EHBP1: variants seen among roughly 807,000 people sequenced by gnomAD.
EHBP1 encodes the protein EH domain binding protein 1.
EHBP1 carries 55 observed loss-of-function variants against 144.0 expected under a neutral mutation model. The ratio of observed to expected loss-of-function variants is 0.38; its 90% confidence interval spans 0.31 to 0.48. EHBP1 has a LOEUF of 0.48. EHBP1 is among the 20% of genes least tolerant of loss of function. The probability of loss-of-function intolerance (pLI) is 0.98; values close to 1 mark genes in which losing one functional copy is unlikely to be tolerated. For missense variants in EHBP1, 1,200 were observed against 1,364.2 expected (o/e 0.88, Z 1.90); for synonymous variants, 469 against 472.7 (o/e 0.99, Z 0.10).
rs117025078 is a variant in EHBP1, at chr2:62,834,443, C to A, written c.634+3285C>A. Reference sequence around the variant, plus strand: ...ACCACCACCCTAATTAATCAGTAGTCATCAGCATCAAGGTAGACCCACCAA... The same window carrying A: ...ACCACCACCCTAATTAATCAGTAGTAATCAGCATCAAGGTAGACCCACCAA... On this transcript the variant is annotated intron_variant, in intron 7 of 22. Coordinates refer to ENST00000431489, the MANE Select transcript of EHBP1 (RefSeq NM_001142616.3). Among the ~76,000 whole-genome samples the A allele has an allele frequency of 4.6e-5, 7 of 152,304 alleles. No individual in the cohort carries two copies. In the East Asian group the frequency reaches 9.6e-4, roughly 21 times the overall value.
Position 63,045,524 on chromosome 2 carries a change from C to T in EHBP1, c.*24C>T. ...AGCCATCAGATCAGAAAGAATCTCT[C>T]CCAACATTTTAGAGTCTTGCTTCCC... On this transcript the variant is annotated 3_prime_UTR_variant, in exon 23 of 23. Transcript: ENST00000431489. This position sits in a 1 kb window ranked among gnomAD's most constrained non-coding sequence, Gnocchi z 5.7. 1 of 1,578,348 alleles carries T rather than the reference C, an allele frequency of 6.3e-7. No individual in the cohort carries two copies. Among genetic ancestry groups the T allele is most frequent in the Non-Finnish European group, 8.7e-7 (1 of 1,151,592 alleles).
At chr2:62,837,439 C>T (rs2047369655) in intron 7 of EHBP1, among the ~76,000 whole-genome samples, 1 of 151,292 alleles carries the variant, frequency 6.6e-6, no homozygotes, top group Non-Finnish European at 1.5e-5. Context: ...AACTAACAAG[C>T]AAAATCACCA....
At chr2:62,812,161 A>T (rs538647001) in intron 5 of EHBP1, among the ~76,000 whole-genome samples, 1 of 152,282 alleles carries the variant, frequency 6.6e-6, no homozygotes, top group East Asian at 1.9e-4. Context: ...CGATAATGCA[A>T]CAAGAAACCC....
intron 2 of EHBP1, among the ~76,000 whole-genome samples, chr2:62,734,857 G>C (rs555874456): frequency 6.6e-6 from 1 of 152,302 alleles, no homozygotes; most frequent in South Asian, 2.1e-4. Flanking sequence ...GCTTCCAAAA[G>C]TGCTGCGCTT....
chr2:62,939,812 T>C (rs1308790037), intron 10 of EHBP1: 1 of 167,692 alleles, frequency 6.0e-6, no homozygotes, highest in East Asian at 1.8e-4. Flanking sequence ...AACAAAGAGA[T>C]TAATATGATG....
At chr2:62,913,427 A>C (rs1422520287) in intron 10 of EHBP1, among the ~76,000 whole-genome samples, 1 of 152,224 alleles carries the variant, frequency 6.6e-6, no homozygotes, top group Non-Finnish European at 1.5e-5. Flanking sequence ...TATAAATTAG[A>C]GACCACAAAA....
At position 62,864,815 on chromosome 2, in the gene EHBP1, C is replaced by T. The variant is rs1159678081; in HGVS notation, c.842C>T (p.Thr281Ile). The stretch of plus-strand genomic sequence containing the variant: ...TATAATCCCTTTAAAGAGGTGCAGA[C>T]TCCACAGTATTTGAACCCATTCGAT... ...NSYNPFKEVQ[T>I]PQYLNPFDEP... The change falls in exon 9 of 23, where the codon ACT (threonine) becomes ATT (isoleucine). Residue 281 changes from threonine to isoleucine, a missense_variant. By Grantham distance (89) the Thr-to-Ile change is moderately conservative (BLOSUM62 -1). Around this residue, in one of 6 missense-constraint regions of EHBP1, gnomAD observed 266 missense variants for 262.4 expected, o/e 1.01. Coordinates refer to ENST00000431489, the MANE Select transcript of EHBP1 (RefSeq NM_001142616.3). 6.2e-7 allele frequency: 1 copy of T among 1,614,048 alleles called. No individual in the cohort carries two copies. Among genetic ancestry groups the T allele is most frequent in the Non-Finnish European group, 8.5e-7 (1 of 1,179,980 alleles).
chr2:62,708,177 T>TA (rs543021276), intron 2 of EHBP1, among the ~76,000 whole-genome samples: 1 of 152,184 alleles, frequency 6.6e-6, no homozygotes, highest in African/African-American at 2.4e-5. Context: ...TTTATTAGAT[T>TA]AAAAAAATAG....
intron 20 of EHBP1, among the ~76,000 whole-genome samples, chr2:63,038,426 G>T (rs560288135): frequency 1.3e-5 from 2 of 152,046 alleles, no homozygotes; most frequent in Non-Finnish European, 2.9e-5. Context: ...GGAAAAAAGA[G>T]ATTATAAATT....
chr2:62,776,561 C>T (rs556342609), intron 5 of EHBP1, among the ~76,000 whole-genome samples: 5 of 152,224 alleles, frequency 3.3e-5, no homozygotes, highest in Admixed American at 1.3e-4. Context: ...CCACTTACAC[C>T]TCTCAATGAT....
intron 12 of EHBP1, 56 bp downstream of exon 12, chr2:62,943,906 T>G (rs534052967): frequency 7.4e-7 from 1 of 1,353,248 alleles, no homozygotes; most frequent in African/African-American, 1.5e-5. Flanking sequence ...TCTCTGCAGG[T>G]CTTTATTAAT....
intron 3 of EHBP1, among the ~76,000 whole-genome samples, chr2:62,757,508 A>G (rs1425405803): frequency 7.4e-6 from 1 of 136,034 alleles, no homozygotes; most frequent in Non-Finnish European, 1.5e-5. Context: ...ATCTCGGCGC[A>G]CTGCAACCTC....
chr2:62,732,007 C>G (rs1198745135), intron 2 of EHBP1, among the ~76,000 whole-genome samples: 2 of 152,132 alleles, frequency 1.3e-5, no homozygotes, highest in Admixed American at 6.5e-5. Context: ...TTTCCACTCC[C>G]ATTATTATTT....
chr2:62,954,534 A>G (rs1434303363), intron 13 of EHBP1, among the ~76,000 whole-genome samples: 2 of 152,148 alleles, frequency 1.3e-5, no homozygotes. Flanking sequence ...TGAATTGTAC[A>G]CTTTAAGAAA....
intron 1 of EHBP1, among the ~76,000 whole-genome samples, chr2:62,682,126 G>A (rs193239664): frequency 2.6e-5 from 4 of 152,334 alleles, no homozygotes; most frequent in African/African-American, 9.6e-5. Flanking sequence ...TCAGAAGGAG[G>A]CTGGATAGCC....
At position 62,786,901 on chromosome 2, in the gene EHBP1, C is replaced by G. The variant is rs79354386; in HGVS notation, c.312+15509C>G. 2.7e-4 allele frequency among the ~76,000 whole-genome samples: 41 copies of G among 152,296 alleles called. No homozygotes were observed. The East Asian group carries it at 7.7e-3, about 29-fold the overall frequency. On this transcript the variant is annotated intron_variant, in intron 5 of 22. Coordinates refer to ENST00000431489, the MANE Select transcript of EHBP1 (RefSeq NM_001142616.3). ...GTTCTTGATTCCTGTCTTCAAAACT[C>G]TAAGGGACCCCTGTAGCCTGTTGAG...
chr2:62,809,616 A>T (rs918653119), intron 5 of EHBP1, among the ~76,000 whole-genome samples: 6 of 152,062 alleles, frequency 3.9e-5, no homozygotes, highest in African/African-American at 1.2e-4. Context: ...GATAGTGAGG[A>T]TAGTACCCAA....
At chr2:62,736,294 T>TTGG (rs1315732633) in intron 2 of EHBP1, among the ~76,000 whole-genome samples, 2 of 150,684 alleles carry the variant, frequency 1.3e-5, no homozygotes, top group Non-Finnish European at 3.0e-5. Context: ...TGGTGCGTTC[T>TTGG]TGGCTCACTG....
intron 5 of EHBP1, among the ~76,000 whole-genome samples, chr2:62,818,606 GCAAA>G (rs2045624364): frequency 6.6e-6 from 1 of 152,064 alleles, no homozygotes; most frequent in Non-Finnish European, 1.5e-5. Context: ...GCTTATATCA[GCAAA>G]GAAGAACTGC....
Sources: gnomAD v4.1 joint callset for allele counts (sites outside exome capture counted in the v4.1 genomes callset) on GRCh38, gnomAD v4.1.1 for gene constraint, gnomAD v4.1.1 regional missense constraint, Gnocchi (gnomAD v3.1) non-coding constraint, MANE v1.5 for transcripts, NCBI Gene and HGNC (gene_info 2026-07-23, HGNC 2026-07-21) for gene names.